TAFA5: variants seen among roughly 807,000 people sequenced by gnomAD.
TAFA5 encodes the protein TAFA chemokine like family member 5.
A neutral mutation model predicts 15.3 loss-of-function variants in TAFA5; 6 were observed. The observed-to-expected ratio is 0.39, with a 90% CI of 0.21 to 0.77. The LOEUF is 0.77. Ranked by LOEUF, TAFA5 falls within the 30% of genes least tolerant of loss-of-function variation. The probability of loss-of-function intolerance (pLI) is 0.41; values close to 1 mark genes in which losing one functional copy is unlikely to be tolerated. For synonymous variants in TAFA5, 103 were observed against 80.7 expected (o/e 1.28, Z -1.48); for missense variants, 161 against 193.1 (o/e 0.83, Z 0.98).
Position 48,694,336 on chromosome 22 carries a change from G to A in TAFA5, c.263-13381G>A, listed in dbSNP as rs1000121881. On this transcript the variant is annotated intron_variant, in intron 2 of 3. Transcript: ENST00000402357. ...GGTCAACATTAATACACACAAATAC[G>A]TAGAAATGACTGTGTGGCATAGCCC... Among the ~76,000 whole-genome samples, 21 of 152,172 alleles carry A rather than the reference G, an allele frequency of 1.4e-4. 1 individual carries two copies. Among genetic ancestry groups the A allele is most frequent in the Admixed American group, 1.1e-3 (17 of 15,274 alleles).
intron 2 of TAFA5, among the ~76,000 whole-genome samples, chr22:48,674,943 GTTT>G (rs60516251): frequency 5.5e-5 from 8 of 145,330 alleles, no homozygotes; most frequent in East Asian, 4.0e-4. Flanking sequence ...TGTCTGGCCA[GTTT>G]TTTTTTTTTT....
chr22:48,631,612 G>A (rs1390332078), intron 1 of TAFA5, among the ~76,000 whole-genome samples: 9 of 152,188 alleles, frequency 5.9e-5, no homozygotes, highest in African/African-American at 9.6e-5. Flanking sequence ...GCGTCACACC[G>A]GCCTCCCGAG....
At chr22:48,729,787 T>C (rs900869242) in intron 3 of TAFA5, among the ~76,000 whole-genome samples, 1 of 148,438 alleles carries the variant, frequency 6.7e-6, no homozygotes, top group African/African-American at 2.4e-5. Flanking sequence ...AATATATAAA[T>C]ATATATTTAG....
chr22:48,642,634 T>C (rs1416701197), intron 1 of TAFA5, among the ~76,000 whole-genome samples: 1 of 151,612 alleles, frequency 6.6e-6, no homozygotes, highest in Non-Finnish European at 1.5e-5. Context: ...TGTGTGGGAG[T>C]GTACATGCCG....
chr22:48,680,452 C>G (rs1928146381), intron 2 of TAFA5, among the ~76,000 whole-genome samples: 1 of 150,856 alleles, frequency 6.6e-6, no homozygotes, highest in Admixed American at 6.6e-5. Context: ...CCAGGTAGCC[C>G]CACAGCAGGA....
intron 1 of TAFA5, among the ~76,000 whole-genome samples, chr22:48,642,783 A>T (rs1234966340): frequency 6.6e-6 from 1 of 151,898 alleles, no homozygotes; most frequent in Non-Finnish European, 1.5e-5. Context: ...GTACATTCAC[A>T]TGTGGGGGGT....
At chr22:48,533,771 CTT>C (rs34617833) in intron 1 of TAFA5, among the ~76,000 whole-genome samples, 1 of 151,570 alleles carries the variant, frequency 6.6e-6, no homozygotes, top group Non-Finnish European at 1.5e-5. Flanking sequence ...TTCCCCAAAC[CTT>C]TTTTTTTCCT....
intron 2 of TAFA5, among the ~76,000 whole-genome samples, chr22:48,672,145 ACT>A (rs1927822861): frequency 6.6e-6 from 1 of 152,192 alleles, no homozygotes; most frequent in Non-Finnish European, 1.5e-5. Context: ...CCTTCTCTGA[ACT>A]CTGAGTGTCA....
At chr22:48,664,017 T>C (rs1326537766) in intron 2 of TAFA5, among the ~76,000 whole-genome samples, 1 of 152,182 alleles carries the variant, frequency 6.6e-6, no homozygotes, top group Non-Finnish European at 1.5e-5. Flanking sequence ...AGATCTACAG[T>C]AAAAAATCTT....
At chr22:48,492,355 C>T (rs1479297756) in intron 1 of TAFA5, among the ~76,000 whole-genome samples, 1 of 152,186 alleles carries the variant, frequency 6.6e-6, no homozygotes, top group Non-Finnish European at 1.5e-5. Context: ...AAGTATCATA[C>T]AGCGTTCAAT....
At chr22:48,671,173 G>A (rs902652661) in intron 2 of TAFA5, among the ~76,000 whole-genome samples, 17 of 152,256 alleles carry the variant, frequency 1.1e-4, no homozygotes, top group Non-Finnish European at 2.1e-4. Context: ...CTTAGCTTCC[G>A]GCTGAGTTCT....
At chr22:48,593,482 G>C (rs190074647) in intron 1 of TAFA5, among the ~76,000 whole-genome samples, 1 of 152,144 alleles carries the variant, frequency 6.6e-6, no homozygotes, top group African/African-American at 2.4e-5. Context: ...GGCTCGGGGG[G>C]TGTCTCAGGG....
At chr22:48,695,423 A>G (rs1928679718) in intron 2 of TAFA5, among the ~76,000 whole-genome samples, 1 of 152,182 alleles carries the variant, frequency 6.6e-6, no homozygotes, top group Admixed American at 6.5e-5. Context: ...CATTTTTCCA[A>G]GCTGTTGAGT....
chr22:48,626,504 G>T (rs939555940), intron 1 of TAFA5, among the ~76,000 whole-genome samples: 1 of 152,134 alleles, frequency 6.6e-6, no homozygotes, highest in Non-Finnish European at 1.5e-5. Context: ...TGTTCATTCA[G>T]ATCCTTTGCC....
chr22:48,698,068 G>GGTGGTGGTGGTT (rs201802724), intron 2 of TAFA5, among the ~76,000 whole-genome samples: 4 of 147,636 alleles, frequency 2.7e-5, no homozygotes, highest in African/African-American at 1.0e-4. Flanking sequence ...ATGTCATAAT[G>GGTGGTGGTGGTT]ATGGTGATGG....
chr22:48,696,442 G>C (rs1928715092), intron 2 of TAFA5, among the ~76,000 whole-genome samples: 1 of 151,880 alleles, frequency 6.6e-6, no homozygotes, highest in African/African-American at 2.4e-5. Flanking sequence ...CAGGAACTTT[G>C]AGGGGCCCCT....
At chr22:48,561,310 G>T (rs1322317566) in intron 1 of TAFA5, among the ~76,000 whole-genome samples, 1 of 152,150 alleles carries the variant, frequency 6.6e-6, no homozygotes, top group Non-Finnish European at 1.5e-5. Flanking sequence ...GGATAGCCGA[G>T]TCCCCTGGCT....
intron 1 of TAFA5, among the ~76,000 whole-genome samples, chr22:48,624,434 A>G (rs9617415): frequency 0.14 from 20,589 of 152,184 alleles, 1,590 homozygotes; most frequent in Non-Finnish European, 0.16. Flanking sequence ...GGCCGCCTCC[A>G]TGAGGACACA....
At chr22:48,531,965 G>A (rs1399899358) in intron 1 of TAFA5, among the ~76,000 whole-genome samples, 27 of 152,350 alleles carry the variant, frequency 1.8e-4, no homozygotes, top group Non-Finnish European at 1.3e-4. Flanking sequence ...CGGCACAGCT[G>A]GTGACGCTTC....
Sources: gnomAD v4.1 joint callset for allele counts (sites outside exome capture counted in the v4.1 genomes callset) on GRCh38, gnomAD v4.1.1 for gene constraint, MANE v1.5 for transcripts, NCBI Gene and HGNC (gene_info 2026-07-23, HGNC 2026-07-21) for gene names.